CDC42BPA: variants seen among roughly 807,000 people sequenced by gnomAD.
The protein encoded by CDC42BPA is CDC42 binding protein kinase alpha.
Under a neutral mutation model 223.5 loss-of-function variants are expected in CDC42BPA, and 80 were observed. That is an observed-to-expected ratio of 0.36 (90% CI 0.30 to 0.43). The LOEUF (loss-of-function observed/expected upper bound fraction) is 0.43, where lower values mean the gene tolerates loss of function less well. Ranked by LOEUF, CDC42BPA falls within the 20% of genes least tolerant of loss-of-function variation. CDC42BPA has a pLI of 1.00. For missense variants in CDC42BPA, 1,743 were observed against 2,099.9 expected, an observed-to-expected ratio of 0.83 and a Z score of 3.32; for synonymous variants, 694 against 718.6, an observed-to-expected ratio of 0.97 and a Z score of 0.55.
chr1:227,183,963 A>T (rs1211577338), intron 5 of CDC42BPA, among the ~76,000 whole-genome samples: 3 of 152,202 alleles, frequency 2.0e-5, no homozygotes, highest in Non-Finnish European at 2.9e-5. Flanking sequence ...TATATTGAAC[A>T]TCTTTTCATG....
At chr1:227,174,581 C>T (rs769643658) in intron 5 of CDC42BPA, among the ~76,000 whole-genome samples, 3 of 152,042 alleles carry the variant, frequency 2.0e-5, no homozygotes, top group Non-Finnish European at 4.4e-5. Context: ...TTTCCTATAT[C>T]GGTACACTTT....
intron 10 of CDC42BPA, among the ~76,000 whole-genome samples, chr1:227,139,272 G>A (rs536529732): frequency 6.6e-6 from 1 of 152,206 alleles, no homozygotes; most frequent in African/African-American, 2.4e-5. Context: ...TATAGGAAAA[G>A]TCATTAAAGT....
chr1:227,282,697 T>C (rs897747969), intron 1 of CDC42BPA, among the ~76,000 whole-genome samples: 2 of 152,224 alleles, frequency 1.3e-5, no homozygotes, highest in East Asian at 3.8e-4. Context: ...TAGTGGTTCT[T>C]ACATTTATTC....
chr1:227,241,273 A>AAGT (rs1679969607), intron 2 of CDC42BPA, among the ~76,000 whole-genome samples: 1 of 152,128 alleles, frequency 6.6e-6, no homozygotes, highest in Non-Finnish European at 1.5e-5. Flanking sequence ...ATCCAACTGG[A>AAGT]AGTAGTATGC....
At chr1:227,291,334 AGG>A (rs1689659280) in intron 1 of CDC42BPA, among the ~76,000 whole-genome samples, 2 of 152,230 alleles carry the variant, frequency 1.3e-5, no homozygotes, top group South Asian at 4.1e-4. Context: ...GGATCACTTG[AGG>A]TCAGGAGTTC....
chr1:226,991,117 C>T lies in CDC42BPA; in HGVS notation c.*3151G>A, dbSNP rs370137574. ...ATATATATGTATGTAATTTTAAATA[C>T]CCAAAGCACAAACATGATTAGTCAG... On this transcript the variant is annotated 3_prime_UTR_variant, in exon 37 of 37. Transcript: ENST00000366766. 6.6e-5 allele frequency: 10 copies of T among 152,512 alleles called. No individual in the cohort carries two copies. Among genetic ancestry groups the T allele is most frequent in the African/African-American group, 1.9e-4 (8 of 41,402 alleles). 9.4% of individuals were successfully genotyped at this position (152,512 alleles called of 1,614,324 possible).
chr1:227,014,240 G>A (rs553075177), intron 34 of CDC42BPA, among the ~76,000 whole-genome samples: 3 of 151,826 alleles, frequency 2.0e-5, no homozygotes, highest in African/African-American at 4.8e-5. Context: ...AATATTTAAT[G>A]TGCTTGACCT....
chr1:227,059,027 C>A (rs1675216973), intron 21 of CDC42BPA, among the ~76,000 whole-genome samples: 1 of 152,050 alleles, frequency 6.6e-6, no homozygotes, highest in African/African-American at 2.4e-5. Flanking sequence ...AAACAATCTA[C>A]ATACTTGCTT....
chr1:227,106,719 A>T (rs1284098132), intron 14 of CDC42BPA, among the ~76,000 whole-genome samples: 1 of 152,168 alleles, frequency 6.6e-6, no homozygotes, highest in Non-Finnish European at 1.5e-5. Context: ...TCAGTTGCTG[A>T]TCCAATTTGA....
intron 4 of CDC42BPA, 89 bp downstream of exon 4, chr1:227,199,468 A>C: frequency 1.3e-6 from 1 of 775,612 alleles, no homozygotes; most frequent in African/African-American, 1.8e-5. Context: ...TTTCTATATG[A>C]AACCTACATT....
At chr1:227,156,119 AGTTTTTTTTTT>A (rs1357100628) in intron 6 of CDC42BPA, among the ~76,000 whole-genome samples, 6 of 77,892 alleles carry the variant, frequency 7.7e-5, no homozygotes. Flanking sequence ...TCTTCATTAT[AGTTTTTTTTTT>A]GTTTTTATTT....
chr1:227,026,311 A>G (rs1436797713), intron 30 of CDC42BPA, among the ~76,000 whole-genome samples, 159 bp from the exon 31 acceptor site: 1 of 152,218 alleles, frequency 6.6e-6, no homozygotes, highest in Non-Finnish European at 1.5e-5. Flanking sequence ...TGAAGCAAAC[A>G]GAACATATAT....
chr1:227,077,000 A>G (rs1378357656), intron 17 of CDC42BPA, among the ~76,000 whole-genome samples: 1 of 152,218 alleles, frequency 6.6e-6, no homozygotes, highest in Admixed American at 6.5e-5. Context: ...ACTTAGATCT[A>G]TGTGTTCTCT....
chr1:227,148,995 T>G (rs191233439), intron 6 of CDC42BPA, among the ~76,000 whole-genome samples: 8 of 151,214 alleles, frequency 5.3e-5, no homozygotes, highest in Admixed American at 4.6e-4. Context: ...GAGTACCTTA[T>G]GCTTATATGA....
Position 227,193,773 on chromosome 1 carries a change from AGGACTG to A in CDC42BPA, c.599+7_599+12del. 1 of 1,581,964 alleles carries A rather than the reference AGGACTG, an allele frequency of 6.3e-7. No individual in the cohort carries two copies. On this transcript the variant is annotated splice_region_variant and intron_variant, in intron 5 of 36. Coordinates refer to ENST00000366766, the MANE Select transcript of CDC42BPA (RefSeq NM_001394014.1). ...GGTAACTCACAGCCAGGTACAATGA[AGGACTG>A]TTTTACCTGTGTACATAATGTAGCT... is the stretch of plus-strand genomic sequence containing the variant.
Position 227,129,164 on chromosome 1 carries a change from A to C in CDC42BPA, c.1458T>G (p.Asp486Glu). 6.4e-7 allele frequency: 1 copy of C among 1,566,934 alleles called. No homozygotes were observed. ...CTTCTTTTAAGTTTTTTATTTCTAA[A>C]TCTTTGCTTGCTGTTAGTGGACCAT... is the stretch of plus-strand genomic sequence containing the variant. The part of the protein sequence containing the change: ...TVDGPLTASK[D>E]LEIKNLKEEI... The change falls in exon 11 of 37, where the codon GAT becomes GAG. Residue 486 changes from aspartate to glutamate, a missense_variant. By Grantham distance (45) the Asp-to-Glu change is conservative. Around this residue, in one of 6 missense-constraint regions of CDC42BPA, gnomAD observed 464 missense variants for 488.0 expected, o/e 0.95. Coordinates refer to ENST00000366766, the MANE Select transcript of CDC42BPA (RefSeq NM_001394014.1).
chr1:227,274,499 A>T lies in CDC42BPA; in HGVS notation c.179-20344T>A, dbSNP rs537539630. 3.9e-5 allele frequency among the ~76,000 whole-genome samples: 6 copies of T among 152,326 alleles called. No homozygotes were observed. In the South Asian group the frequency reaches 1.0e-3, roughly 26 times the overall value. On this transcript the variant is annotated intron_variant, in intron 1 of 36. Coordinates refer to ENST00000366766, the MANE Select transcript of CDC42BPA (RefSeq NM_001394014.1). ...AAAATTAAATCTGGCAAATATACTG[A>T]ATTAATCTAAAAGACAGTGAGAACA... is the stretch of plus-strand genomic sequence containing the variant.
chr1:227,267,484 A>G (rs1219656389), intron 1 of CDC42BPA, among the ~76,000 whole-genome samples: 1 of 152,244 alleles, frequency 6.6e-6, no homozygotes, highest in African/African-American at 2.4e-5. Flanking sequence ...TAACTCACAT[A>G]GATGTTATCA....
chr1:227,076,640 T>C (rs942799222), intron 17 of CDC42BPA, among the ~76,000 whole-genome samples: 36 of 152,370 alleles, frequency 2.4e-4, no homozygotes, highest in African/African-American at 7.9e-4. Context: ...AAACCAGTTT[T>C]AGAGGTAGGT....
Sources: gnomAD v4.1 joint callset for allele counts (sites outside exome capture counted in the v4.1 genomes callset) on GRCh38, gnomAD v4.1.1 for gene constraint, gnomAD v4.1.1 regional missense constraint, MANE v1.5 for transcripts, NCBI Gene and HGNC (gene_info 2026-07-23, HGNC 2026-07-21) for gene names.